Variants in ZNF208 observed in about 807,000 individuals in gnomAD.
The protein encoded by ZNF208 is zinc finger protein 95.
ZNF208 carries 10 observed loss-of-function variants against 12.1 expected under a neutral mutation model. The observed-to-expected ratio is 0.83, with a 90% CI of 0.51 to 1.40. ZNF208 has a LOEUF of 1.40. ZNF208 is among the 40% of genes most tolerant of loss of function. The probability of loss-of-function intolerance (pLI) is 0.00; values close to 1 mark genes in which losing one functional copy is unlikely to be tolerated. For synonymous variants in ZNF208, 497 were observed against 488.4 expected, an observed-to-expected ratio of 1.02 and a Z score of -0.23; for missense variants, 1,652 against 1,485.0, an observed-to-expected ratio of 1.11 and a Z score of -1.85.
At position 21,988,742 on chromosome 19, in the gene ZNF208, T is replaced by C. The variant is rs374424084; in HGVS notation, c.130+41A>G. ...ATAAGGTCTGCAGCAAAATGAAACC[T>C]GTAGTGTATACTAGGAATTGCGTAT... On this transcript the variant is annotated intron_variant, in intron 2 of 3. Transcript: ENST00000397126. 4 of 1,609,186 alleles carry C rather than the reference T, an allele frequency of 2.5e-6. No individual in the cohort carries two copies. The African/African-American group carries it at 5.4e-5, about 22-fold the overall frequency.
chr19:21,986,351 T>C (rs1437334954), intron 3 of ZNF208, among the ~76,000 whole-genome samples: 1 of 152,182 alleles, frequency 6.6e-6, no homozygotes, highest in Non-Finnish European at 1.5e-5. Flanking sequence ...ACATACAAGT[T>C]ATGTTTCCAT....
intron 1 of ZNF208, among the ~76,000 whole-genome samples, chr19:21,992,683 G>T (rs1204072497): frequency 6.6e-6 from 1 of 152,130 alleles, no homozygotes; most frequent in Non-Finnish European, 1.5e-5. Context: ...TAATATTGCA[G>T]ATTATAAATT....
intron 1 of ZNF208, among the ~76,000 whole-genome samples, chr19:21,992,657 C>A (rs1970762006): frequency 6.6e-6 from 1 of 152,138 alleles, no homozygotes; most frequent in South Asian, 2.1e-4. Flanking sequence ...GTTCCACAGC[C>A]ACAAAGGGAC....
In ZNF208 at chr19:21,969,092, G is replaced by A. The variant is rs1260671208; in HGVS notation, c.*2099C>T. On this transcript the variant is annotated 3_prime_UTR_variant, in exon 4 of 4. Transcript: ENST00000397126. ...CCAGCTAATTGGGAGGCTGAGGTGGGAGAATGGCATGAACCTGGAAGCTAG... is the reference window on the plus strand; with the variant it reads ...CCAGCTAATTGGGAGGCTGAGGTGGAAGAATGGCATGAACCTGGAAGCTAG... Among the ~76,000 whole-genome samples the A allele has an allele frequency of 1.3e-5, 2 of 152,150 alleles. No homozygotes were observed. Among genetic ancestry groups the A allele is most frequent in the African/African-American group, 4.8e-5 (2 of 41,450 alleles).
chr19:22,007,573 A>C (rs1266206438), intron 1 of ZNF208, among the ~76,000 whole-genome samples: 1 of 151,588 alleles, frequency 6.6e-6, no homozygotes, highest in Non-Finnish European at 1.5e-5. Context: ...GAGAAAATAA[A>C]AGATGAATGA....
intron 4 of ZNF208, among the ~76,000 whole-genome samples, chr19:21,943,564 C>A (rs1195243922): frequency 2.0e-5 from 3 of 152,182 alleles, no homozygotes; most frequent in African/African-American, 4.8e-5. Flanking sequence ...ACAGGAGGAT[C>A]CTGATCCTCA....
chr19:21,974,205 T>C lies in ZNF208; in HGVS notation c.829A>G (p.Ile277Val), dbSNP rs769045930. ...NQSAILTKHK[I>V]IHTGEKPNKC... is the part of the protein sequence containing the mutation. Reference sequence around the variant, plus strand: ...TTGGGTTTCTCTCCAGTATGAATTATCTTATGTTTAGTAAGGATTGCAGAT... The same window carrying C: ...TTGGGTTTCTCTCCAGTATGAATTACCTTATGTTTAGTAAGGATTGCAGAT... Residue 277 changes from isoleucine to valine, a missense_variant, in exon 4 of 4, where the codon ATA (isoleucine) becomes GTA (valine). Around this residue, in one of 3 missense-constraint regions of ZNF208, gnomAD observed 410 missense variants for 378.2 expected, o/e 1.08. Coordinates refer to ENST00000397126, the MANE Select transcript of ZNF208 (RefSeq NM_007153.3). 7 of 1,602,616 alleles carry C rather than the reference T, an allele frequency of 4.4e-6. No homozygotes were observed. The Admixed American group carries it at 6.7e-5, about 15-fold the overall frequency.
At position 21,966,192 on chromosome 19, in the gene ZNF208, T is replaced by G. The variant is rs1970163507; in HGVS notation, c.*4999A>C. ...CTACATGATGTTGAGGTTTGGATAC[T>G]TAATAATTCCATTGCCCAAGTAGTG... On this transcript the variant is annotated 3_prime_UTR_variant, in exon 4 of 4. Coordinates refer to ENST00000397126, the MANE Select transcript of ZNF208 (RefSeq NM_007153.3). The G allele has an allele frequency of 6.6e-6, 1 of 152,122 alleles. No individual in the cohort carries two copies. The highest frequency in any genetic ancestry group is 2.4e-5 in the African/African-American group (1 of 41,460). The allele number at this position is 152,122 out of a possible 1,614,324, so 9.4% of individuals were successfully genotyped here. A position where few individuals can be genotyped will look rare whatever the true frequency, so the allele number is the denominator to read the frequency against.
At chr19:21,979,575 G>A (rs1228090285) in intron 3 of ZNF208, among the ~76,000 whole-genome samples, 2 of 152,138 alleles carry the variant, frequency 1.3e-5, no homozygotes, top group African/African-American at 2.4e-5. Flanking sequence ...GCTCCTGAAG[G>A]AAGCACTAAA....
rs1971137715 is a variant in ZNF208, at chr19:22,010,884, C to T, written c.-90G>A. 6.3e-7 allele frequency: 1 copy of T among 1,580,560 alleles called. No homozygotes were observed. The highest frequency in any genetic ancestry group is 1.3e-5 in the African/African-American group (1 of 74,176). On this transcript the variant is annotated 5_prime_UTR_variant, in exon 1 of 4. Coordinates refer to ENST00000397126, the MANE Select transcript of ZNF208 (RefSeq NM_007153.3). ...GCCACAGAGGCTGGGACTCTAGGAG[C>T]AGAGGACACACAGCAGTAAGGACGA...
At chr19:21,951,467 A>G (rs1275413251) in intron 4 of ZNF208, among the ~76,000 whole-genome samples, 6 of 152,214 alleles carry the variant, frequency 3.9e-5, no homozygotes, top group Admixed American at 1.3e-4. Context: ...AAATAAAGTG[A>G]AAGTTTTAAG....
chr19:21,971,428 A>G lies in ZNF208; in HGVS notation c.3606T>C (p.Cys1202=). ...TTGAGGGCCACTTATAGGCTTTGCC[A>G]CATTCTTCACATTTGTAGAGTTTCT... The part of the protein sequence containing the change: ...TGEKLYKCEE[C]GKAYKWPSTL... The change falls in exon 4 of 4, where the codon TGT becomes TGC. Residue 1202 remains cysteine (C), a synonymous_variant. Coordinates refer to ENST00000397126, the MANE Select transcript of ZNF208 (RefSeq NM_007153.3). The G allele has an allele frequency of 6.2e-7, 1 of 1,610,196 alleles. No homozygotes were observed. Among genetic ancestry groups the G allele is most frequent in the Non-Finnish European group, 8.5e-7 (1 of 1,179,428 alleles).
rs145754281 is a variant in ZNF208, at chr19:21,950,742, G to A, written c.306-17505C>T. Reference sequence around the variant, plus strand: ...ACTCCTGACCTCAGGTGATCCACCCGCCTCAGCCTCCCAAAGTGCTGGGAT... The same window carrying A: ...ACTCCTGACCTCAGGTGATCCACCCACCTCAGCCTCCCAAAGTGCTGGGAT... On this transcript the variant is annotated intron_variant, in intron 4 of 4. Transcript: ENST00000599916. Among the ~76,000 whole-genome samples, 199 of 152,052 alleles carry A rather than the reference G, an allele frequency of 1.3e-3. 4 individuals carry two copies. The East Asian group carries it at 0.034, about 26-fold the overall frequency.
rs534987441 is a variant in ZNF208 at position 21,968,879 on chromosome 19, C to T, written c.*2312G>A. ...TCATTATACATTTTATACATTTTTG[C>T]TCTGCTAAAGACTTCTGTTATTAGG... On this transcript the variant is annotated 3_prime_UTR_variant, in exon 4 of 4. Transcript: ENST00000397126. 3.9e-5 allele frequency among the ~76,000 whole-genome samples: 6 copies of T among 152,136 alleles called. No individual in the cohort carries two copies. Among genetic ancestry groups the T allele is most frequent in the South Asian group, 2.1e-4 (1 of 4,822 alleles).
At position 21,975,542 on chromosome 19, in the gene ZNF208, A is replaced by T. The variant is rs575018470; in HGVS notation, c.227-735T>A. On this transcript the variant is annotated intron_variant, in intron 3 of 3. Coordinates refer to ENST00000397126, the MANE Select transcript of ZNF208 (RefSeq NM_007153.3). The stretch of plus-strand genomic sequence containing the variant: ...ATGCCAGGACAAAGCTACATTATAA[A>T]TTTTGTGACAGGTAGCCTTTTTAAA... Among the ~76,000 whole-genome samples, 7 of 152,312 alleles carry T rather than the reference A, an allele frequency of 4.6e-5. No individual in the cohort carries two copies. The East Asian group carries it at 1.3e-3, about 29-fold the overall frequency.
intron 1 of ZNF208, among the ~76,000 whole-genome samples, chr19:21,989,854 T>C (rs562138215): frequency 6.6e-6 from 1 of 152,382 alleles, no homozygotes; most frequent in Admixed American, 6.5e-5. Flanking sequence ...CATTTTTTCA[T>C]GTGTTTTTTG....
chr19:21,987,557 G>A (rs1168643301), intron 2 of ZNF208, among the ~76,000 whole-genome samples: 5 of 152,230 alleles, frequency 3.3e-5, no homozygotes, highest in African/African-American at 4.8e-5. Context: ...CTGCCATCAC[G>A]TTCCCATGAC....
At position 21,970,479 on chromosome 19, in the gene ZNF208, G is replaced by A. The variant is rs148539034; in HGVS notation, c.*712C>T. 6.5e-3 allele frequency among the ~76,000 whole-genome samples: 995 copies of A among 152,208 alleles called. 9 individuals carry two copies. The highest frequency in any genetic ancestry group is 0.02 in the African/African-American group (845 of 41,550). ...ACAAATTCCCTTATGTTCAGTAAGC[G>A]TTGAGAATTAATTAATAGTTTTGCC... On this transcript the variant is annotated 3_prime_UTR_variant, in exon 4 of 4. Transcript: ENST00000397126.
In ZNF208 at chr19:21,969,559, G is replaced by T. The variant is rs573742638; in HGVS notation, c.*1632C>A. 8.6e-5 allele frequency among the ~76,000 whole-genome samples: 13 copies of T among 151,854 alleles called. No individual in the cohort carries two copies. In the East Asian group the frequency reaches 2.3e-3, roughly 27 times the overall value. On this transcript the variant is annotated 3_prime_UTR_variant, in exon 4 of 4. Coordinates refer to ENST00000397126, the MANE Select transcript of ZNF208 (RefSeq NM_007153.3). ...TGCAAAAACATATTTTAGTATAAAC[G>T]CATTTGTGTTTTATAATCTGTAGTT...
Sources: gnomAD v4.1 joint callset for allele counts (sites outside exome capture counted in the v4.1 genomes callset) on GRCh38, gnomAD v4.1.1 for gene constraint, gnomAD v4.1.1 regional missense constraint, MANE v1.5 for transcripts, NCBI Gene and HGNC (gene_info 2026-07-23, HGNC 2026-07-21) for gene names.